CLSTN2: variants seen among roughly 807,000 people sequenced by gnomAD.
CLSTN2 encodes calsyntenin 2.
A neutral mutation model predicts 101.2 loss-of-function variants in CLSTN2; 48 were observed. The observed-to-expected ratio is 0.47, with a 90% CI of 0.38 to 0.60. The LOEUF (loss-of-function observed/expected upper bound fraction) is 0.60. Ranked by LOEUF, CLSTN2 falls within the 20% of genes least tolerant of loss-of-function variation. CLSTN2 has a pLI of 0.00. For synonymous variants in CLSTN2, 481 were observed against 463.6 expected (o/e 1.04, Z -0.48); for missense variants, 1,160 against 1,238.2 (o/e 0.94, Z 0.95).
intron 12 of CLSTN2, among the ~76,000 whole-genome samples, chr3:140,559,261 T>C (rs1009142472): frequency 2.0e-5 from 3 of 152,160 alleles, no homozygotes; most frequent in Non-Finnish European, 4.4e-5. Flanking sequence ...CGTTTGTTTC[T>C]GCTTCCCTTC....
chr3:140,180,872 C>G (rs1022828249), intron 2 of CLSTN2, among the ~76,000 whole-genome samples: 1 of 152,186 alleles, frequency 6.6e-6, no homozygotes, highest in African/African-American at 2.4e-5. Flanking sequence ...ACATGGTTAA[C>G]TCTGTTTGTC....
chr3:140,415,004 C>G (rs1162199369), intron 4 of CLSTN2, among the ~76,000 whole-genome samples: 1 of 151,590 alleles, frequency 6.6e-6, no homozygotes, highest in African/African-American at 2.4e-5. Context: ...ACCAATGGAG[C>G]AGAATAGAGA....
intron 1 of CLSTN2, among the ~76,000 whole-genome samples, chr3:140,029,177 G>T (rs1280403161): frequency 6.6e-6 from 1 of 151,996 alleles, no homozygotes; most frequent in Non-Finnish European, 1.5e-5. Flanking sequence ...AAATGATCCA[G>T]AACATTTTCA....
At chr3:140,135,085 AAAACACAC>A (rs1265831900) in intron 1 of CLSTN2, among the ~76,000 whole-genome samples, 4 of 25,064 alleles carry the variant, frequency 1.6e-4, no homozygotes, top group Admixed American at 4.4e-4. Context: ...GCCTCTCAAA[AAAACACAC>A]ACACACACAC....
chr3:140,493,563 G>A (rs1934392032), intron 8 of CLSTN2, among the ~76,000 whole-genome samples: 1 of 152,166 alleles, frequency 6.6e-6, no homozygotes, highest in South Asian at 2.1e-4. Flanking sequence ...ACCAGGTTCT[G>A]TGGGCCGTCA....
At chr3:140,244,832 G>T (rs879449650) in intron 2 of CLSTN2, among the ~76,000 whole-genome samples, 4 of 152,140 alleles carry the variant, frequency 2.6e-5, no homozygotes, top group Non-Finnish European at 5.9e-5. Flanking sequence ...TTTATTCTCT[G>T]TAACACTCCA....
chr3:140,056,074 G>A (rs934294952), intron 1 of CLSTN2, among the ~76,000 whole-genome samples: 1 of 152,160 alleles, frequency 6.6e-6, no homozygotes, highest in Non-Finnish European at 1.5e-5. Context: ...TACTCTGGAG[G>A]GGACATTTGA....
chr3:140,184,030 C>G (rs543679795), intron 2 of CLSTN2, among the ~76,000 whole-genome samples: 2 of 152,258 alleles, frequency 1.3e-5, no homozygotes, highest in African/African-American at 2.4e-5. Flanking sequence ...CAGCTCTGCT[C>G]GTCTGAGCCA....
chr3:140,238,014 A>G (rs1426311326), intron 2 of CLSTN2, among the ~76,000 whole-genome samples: 2 of 152,210 alleles, frequency 1.3e-5, no homozygotes, highest in African/African-American at 4.8e-5. Context: ...TTACAGAGCA[A>G]GGACATCAAC....
At chr3:140,058,339 A>G (rs1204855967) in intron 1 of CLSTN2, among the ~76,000 whole-genome samples, 1 of 152,172 alleles carries the variant, frequency 6.6e-6, no homozygotes, top group Non-Finnish European at 1.5e-5. Context: ...CTGGGCTTTG[A>G]TAGGTCACCA....
intron 8 of CLSTN2, chr3:140,507,386 A>G (rs1042714424): frequency 6.6e-6 from 1 of 152,204 alleles, no homozygotes; most frequent in African/African-American, 2.4e-5. Flanking sequence ...GTCGGGTTCC[A>G]CAGCCTCAAC....
intron 1 of CLSTN2, among the ~76,000 whole-genome samples, chr3:140,052,093 C>T (rs933181039): frequency 6.6e-6 from 1 of 152,244 alleles, no homozygotes; most frequent in African/African-American, 2.4e-5. Context: ...GTTTATCTTT[C>T]TCCAGGCCTG....
intron 1 of CLSTN2, among the ~76,000 whole-genome samples, chr3:139,936,167 C>G (rs189394307): frequency 6.6e-6 from 1 of 152,190 alleles, no homozygotes; most frequent in Non-Finnish European, 1.5e-5. Context: ...TTGACCTCCC[C>G]GCGCCTCCCG....
intron 1 of CLSTN2, among the ~76,000 whole-genome samples, chr3:140,128,638 T>A (rs2107802977): frequency 6.6e-6 from 1 of 152,270 alleles, no homozygotes; most frequent in East Asian, 1.9e-4. Context: ...TTCCTTTTGA[T>A]GGAGAGGATC....
At chr3:140,070,518 A>G (rs923464866) in intron 1 of CLSTN2, among the ~76,000 whole-genome samples, 8 of 152,252 alleles carry the variant, frequency 5.3e-5, no homozygotes, top group African/African-American at 1.9e-4. Context: ...AGAAATGTTC[A>G]GGAGCTATAG....
In CLSTN2 at chr3:140,419,630, T is replaced by G. The variant is rs535548693; in HGVS notation, c.638-1495T>G. Among the ~76,000 whole-genome samples the G allele has an allele frequency of 2.5e-3, 155 of 61,110 alleles. 47 individuals carry two copies. Among genetic ancestry groups the G allele is most frequent in the Admixed American group, 6.1e-3 (42 of 6,908 alleles). The allele number at this position is 61,110 out of a possible 152,430, so 40.1% of individuals were successfully genotyped here. ...ACATATATACGTGTACGTATATATG[T>G]ATATATACATATATATGTACACGTA... is the stretch of plus-strand genomic sequence containing the variant. On this transcript the variant is annotated intron_variant, in intron 4 of 16. Transcript: ENST00000458420.
At chr3:140,069,428 C>T (rs897735256) in intron 1 of CLSTN2, among the ~76,000 whole-genome samples, 1 of 152,210 alleles carries the variant, frequency 6.6e-6, no homozygotes, top group African/African-American at 2.4e-5. Context: ...AAGCAGACCC[C>T]AACTAGTGGG....
chr3:140,195,756 G>C (rs2010634976), intron 2 of CLSTN2, among the ~76,000 whole-genome samples: 1 of 152,182 alleles, frequency 6.6e-6, no homozygotes, highest in African/African-American at 2.4e-5. Flanking sequence ...CAGGCAACGA[G>C]CTTGTGAATT....
In CLSTN2 at chr3:139,998,714, T is replaced by C. The variant is rs187266969; in HGVS notation, c.109+63231T>C. Among the ~76,000 whole-genome samples the C allele has an allele frequency of 3.7e-4, 57 of 152,138 alleles. No homozygotes were observed. The East Asian group carries it at 8.7e-3, about 23-fold the overall frequency. ...TGGCACAAGCTCAATAAAGAGTGGT[T>C]ACCTTTCATAAATCAAGACCAGGGC... On this transcript the variant is annotated intron_variant, in intron 1 of 16. Transcript: ENST00000458420.
Sources: allele counts gnomAD v4.1 joint callset (sites outside exome capture counted in the v4.1 genomes callset), GRCh38; gene constraint gnomAD v4.1.1; transcripts MANE v1.5; gene names NCBI Gene and HGNC (gene_info 2026-07-23, HGNC 2026-07-21).